Variants in PTPRD observed in about 807,000 individuals in gnomAD.
PTPRD encodes the protein receptor-type tyrosine-protein phosphatase delta.
PTPRD carries 34 observed loss-of-function variants against 214.5 expected under a neutral mutation model. The observed-to-expected ratio is 0.16, with a 90% CI of 0.12 to 0.21. The LOEUF is 0.21. PTPRD is among the 10% of genes least tolerant of loss of function. The probability of loss-of-function intolerance (pLI) is 1.00; values close to 1 mark genes in which losing one functional copy is unlikely to be tolerated. For synonymous variants in PTPRD, 1,128 were observed against 845.7 expected (o/e 1.33, Z -5.79); for missense variants, 2,545 against 2,398.7 (o/e 1.06, Z -1.27).
chr9:10,585,804 A>G (rs1023563320), intron 2 of PTPRD, among the ~76,000 whole-genome samples: 1 of 152,000 alleles, frequency 6.6e-6, no homozygotes, highest in African/African-American at 2.4e-5. Flanking sequence ...CCAGGATAAT[A>G]CCTGATTTAT....
At chr9:8,860,826 TG>T (rs2098088600) in intron 11 of PTPRD, 2 of 152,168 alleles carry the variant, frequency 1.3e-5, no homozygotes, top group African/African-American at 4.8e-5. Flanking sequence ...TCCAACTATT[TG>T]GTGCCAGAAG....
intron 5 of PTPRD, among the ~76,000 whole-genome samples, chr9:9,782,182 T>G (rs1356446543): frequency 1.3e-5 from 2 of 152,188 alleles, no homozygotes; most frequent in Non-Finnish European, 2.9e-5. Context: ...CATAATATCC[T>G]ACAGTCATCT....
chr9:10,207,215 T>C (rs1199193767), intron 3 of PTPRD, among the ~76,000 whole-genome samples: 3 of 152,010 alleles, frequency 2.0e-5, no homozygotes, highest in Non-Finnish European at 4.4e-5. Context: ...TTTTTCCCAC[T>C]TTAGATTTGT....
intron 8 of PTPRD, among the ~76,000 whole-genome samples, chr9:9,439,000 C>T (rs2086434584): frequency 1.3e-5 from 2 of 152,052 alleles, no homozygotes; most frequent in South Asian, 2.1e-4. Flanking sequence ...TGAAATAATA[C>T]ACTCAAATAA....
chr9:9,545,073 G>T (rs981417951), intron 8 of PTPRD, among the ~76,000 whole-genome samples: 5 of 151,600 alleles, frequency 3.3e-5, no homozygotes, highest in Admixed American at 6.6e-5. Flanking sequence ...TATGGATAAG[G>T]TTGCCCCCAT....
At chr9:9,953,205 G>C (rs1233590803) in intron 4 of PTPRD, among the ~76,000 whole-genome samples, 2 of 152,054 alleles carry the variant, frequency 1.3e-5, no homozygotes, top group African/African-American at 4.8e-5. Context: ...CATTATCCTG[G>C]ATATTTCTGC....
intron 2 of PTPRD, among the ~76,000 whole-genome samples, chr9:10,377,806 T>G (rs1202770381): frequency 6.6e-6 from 1 of 152,068 alleles, no homozygotes; most frequent in Non-Finnish European, 1.5e-5. Flanking sequence ...TATCCATTCA[T>G]CTACTGATGG....
intron 4 of PTPRD, among the ~76,000 whole-genome samples, chr9:9,948,438 G>C (rs1472338217): frequency 2.0e-5 from 3 of 151,980 alleles, no homozygotes; most frequent in African/African-American, 4.8e-5. Context: ...AAAAGAATAA[G>C]TCTTACTGAA....
intron 12 of PTPRD, among the ~76,000 whole-genome samples, chr9:8,668,655 C>A (rs567265952): frequency 6.6e-6 from 1 of 151,790 alleles, no homozygotes; most frequent in Admixed American, 6.6e-5. Context: ...AAATGCAGGC[C>A]GAAAACAATA....
intron 7 of PTPRD, among the ~76,000 whole-genome samples, chr9:9,700,774 C>G (rs1365670149): frequency 6.6e-6 from 1 of 152,064 alleles, no homozygotes; most frequent in Admixed American, 6.6e-5. Flanking sequence ...TAAGACTTAT[C>G]TCCTATTTTC....
At chr9:9,711,985 T>C (rs2097743401) in intron 7 of PTPRD, among the ~76,000 whole-genome samples, 1 of 152,324 alleles carries the variant, frequency 6.6e-6, no homozygotes, top group South Asian at 2.1e-4. Flanking sequence ...GATGCATGAA[T>C]GTACATAATT....
chr9:8,704,859 G>A (rs1388986562), intron 12 of PTPRD, among the ~76,000 whole-genome samples: 3 of 152,038 alleles, frequency 2.0e-5, no homozygotes, highest in South Asian at 2.1e-4. Context: ...GGAGGTGGAG[G>A]TTGCAGTGAG....
chr9:9,006,486 T>A (rs557437587), intron 11 of PTPRD, among the ~76,000 whole-genome samples: 3 of 152,150 alleles, frequency 2.0e-5, no homozygotes, highest in African/African-American at 7.2e-5. Flanking sequence ...TAGTCACTGA[T>A]CCCCAGAGTT....
chr9:9,911,519 G>C (rs968419823), intron 5 of PTPRD, among the ~76,000 whole-genome samples: 10 of 149,082 alleles, frequency 6.7e-5, no homozygotes, highest in African/African-American at 2.5e-4. Flanking sequence ...CATACACAGA[G>C]TTATACTGCT....
intron 4 of PTPRD, among the ~76,000 whole-genome samples, chr9:9,989,234 G>A (rs990757525): frequency 8.6e-5 from 13 of 151,934 alleles, no homozygotes; most frequent in Non-Finnish European, 4.4e-5. Flanking sequence ...GGTCCCTGGC[G>A]AGGGTCCATC....
intron 9 of PTPRD, among the ~76,000 whole-genome samples, chr9:9,372,550 G>A (rs945183867): frequency 6.6e-6 from 1 of 152,018 alleles, no homozygotes; most frequent in Non-Finnish European, 1.5e-5. Flanking sequence ...ACACTGATGG[G>A]TCTTGACTCT....
chr9:8,683,918 C>A (rs1487939402), intron 12 of PTPRD, among the ~76,000 whole-genome samples: 1 of 152,108 alleles, frequency 6.6e-6, no homozygotes, highest in East Asian at 1.9e-4. Flanking sequence ...ATCAGGAGAC[C>A]AAATACAGAC....
At chr9:8,467,144 G>C (rs1174017310) in intron 31 of PTPRD, among the ~76,000 whole-genome samples, 1 of 151,848 alleles carries the variant, frequency 6.6e-6, no homozygotes, top group Non-Finnish European at 1.5e-5. Context: ...AAAATTTTCT[G>C]TGAATTTAAG....
At chr9:10,491,687 G>A (rs977606248) in intron 2 of PTPRD, among the ~76,000 whole-genome samples, 2 of 151,286 alleles carry the variant, frequency 1.3e-5, no homozygotes, top group Non-Finnish European at 2.9e-5. Flanking sequence ...TTTCTAAGAC[G>A]ATATGCCACA....
Sources: allele counts gnomAD v4.1 joint callset (sites outside exome capture counted in the v4.1 genomes callset), GRCh38; gene constraint gnomAD v4.1.1; transcripts MANE v1.5; gene names NCBI Gene and HGNC (gene_info 2026-07-23, HGNC 2026-07-21).